NCEH1: variants seen among roughly 807,000 people sequenced by gnomAD.
The protein encoded by NCEH1 is 2-acetyl MAGE hydrolase.
Under a neutral mutation model 25.4 loss-of-function variants are expected in NCEH1, and 9 were observed. That is an observed-to-expected ratio of 0.35 (90% CI 0.21 to 0.62). The LOEUF (loss-of-function observed/expected upper bound fraction) is 0.62, where lower values mean the gene tolerates loss of function less well. NCEH1 is among the 20% of genes least tolerant of loss of function. The pLI is 0.72. For missense variants in NCEH1, 412 were observed against 501.1 expected, an observed-to-expected ratio of 0.82 and a Z score of 1.70; for synonymous variants, 200 against 199.8, an observed-to-expected ratio of 1.00 and a Z score of -0.01.
At chr3:172,653,744 G>GTTTTTTTTTTTTTTTT (rs796835886) in intron 1 of NCEH1, among the ~76,000 whole-genome samples, 8 of 95,652 alleles carry the variant, frequency 8.4e-5, no homozygotes, top group African/African-American at 2.5e-4. Flanking sequence ...TGTTTTTTTT[G>GTTTTTTTTTTTTTTTT]TTTTTTTGTT....
chr3:172,698,752 G>A (rs372645199), intron 1 of NCEH1, among the ~76,000 whole-genome samples: 1 of 152,184 alleles, frequency 6.6e-6, no homozygotes, highest in African/African-American at 2.4e-5. Flanking sequence ...ACATGAGGAA[G>A]TTAGAAACCC....
At chr3:172,646,396 A>G (rs1351532804) in intron 2 of NCEH1, among the ~76,000 whole-genome samples, 1 of 152,136 alleles carries the variant, frequency 6.6e-6, no homozygotes, top group Non-Finnish European at 1.5e-5. Flanking sequence ...TTAACACTTC[A>G]TTTGCTGCAG....
At chr3:172,666,815 G>A (rs139673577) in intron 1 of NCEH1, among the ~76,000 whole-genome samples, 1 of 152,266 alleles carries the variant, frequency 6.6e-6, no homozygotes, top group Admixed American at 6.5e-5. Flanking sequence ...TGTGTTGAAT[G>A]TGTGGGAATT....
chr3:172,697,654 G>T (rs1713445737), intron 1 of NCEH1, among the ~76,000 whole-genome samples: 1 of 151,990 alleles, frequency 6.6e-6, no homozygotes, highest in African/African-American at 2.4e-5. Context: ...AGCCACAAAA[G>T]AGCTGAGCGT....
intron 1 of NCEH1, among the ~76,000 whole-genome samples, chr3:172,683,231 G>A (rs1315856131): frequency 1.0e-5 from 1 of 96,780 alleles, no homozygotes; most frequent in East Asian, 2.5e-4. Flanking sequence ...GTGAAACCCC[G>A]TCTCTACTAA....
At chr3:172,704,447 AC>A (rs1479338322) in intron 1 of NCEH1, among the ~76,000 whole-genome samples, 1 of 152,198 alleles carries the variant, frequency 6.6e-6, no homozygotes, top group Admixed American at 6.5e-5. Flanking sequence ...ACCTTTAGCC[AC>A]ATTTTCCTTC....
intron 4 of NCEH1, among the ~76,000 whole-genome samples, chr3:172,635,413 G>C (rs756725470): frequency 2.0e-5 from 3 of 152,094 alleles, no homozygotes; most frequent in Non-Finnish European, 4.4e-5. Context: ...AGTTTTCAAA[G>C]AATTAAACCA....
intron 3 of NCEH1, among the ~76,000 whole-genome samples, chr3:172,641,013 G>A (rs1716823352): frequency 2.0e-5 from 3 of 152,012 alleles, no homozygotes; most frequent in South Asian, 2.1e-4. Context: ...AACTGTGCTC[G>A]AGGGGAAGGA....
chr3:172,692,348 TTTTC>T (rs1373527345), intron 1 of NCEH1, among the ~76,000 whole-genome samples: 2 of 152,058 alleles, frequency 1.3e-5, no homozygotes, highest in African/African-American at 2.4e-5. Context: ...ATATTTTTAT[TTTTC>T]TTTCTCTCTT....
chr3:172,696,374 A>AC (rs1219808198), intron 1 of NCEH1, among the ~76,000 whole-genome samples: 1 of 152,236 alleles, frequency 6.6e-6, no homozygotes, highest in Non-Finnish European at 1.5e-5. Flanking sequence ...TAAAAGAAAA[A>AC]AAAAATTACC....
chr3:172,657,569 T>C (rs983394994), intron 1 of NCEH1, among the ~76,000 whole-genome samples: 4 of 152,222 alleles, frequency 2.6e-5, no homozygotes, highest in African/African-American at 9.6e-5. Context: ...CATTATTTTC[T>C]GCACTTGCCT....
intron 1 of NCEH1, among the ~76,000 whole-genome samples, chr3:172,685,447 C>T (rs1291440253): frequency 1.3e-5 from 2 of 152,144 alleles, no homozygotes; most frequent in Admixed American, 6.5e-5. Context: ...CAAATGAAGT[C>T]GTATAATTTT....
intron 1 of NCEH1, among the ~76,000 whole-genome samples, chr3:172,650,064 G>A (rs963431792): frequency 2.0e-5 from 3 of 152,212 alleles, no homozygotes; most frequent in Non-Finnish European, 4.4e-5. Flanking sequence ...GTACATGCGG[G>A]TTTGACTCAA....
intron 3 of NCEH1, among the ~76,000 whole-genome samples, chr3:172,637,872 G>A (rs1469279654): frequency 6.6e-6 from 1 of 151,412 alleles, no homozygotes. Context: ...CTGGGTGACA[G>A]AGCAAGACTC....
At chr3:172,673,463 AG>A (rs1211632760) in intron 1 of NCEH1, among the ~76,000 whole-genome samples, 21 of 152,268 alleles carry the variant, frequency 1.4e-4, no homozygotes, top group Non-Finnish European at 2.8e-4. Context: ...ACCTAAATTA[AG>A]CAAGGGAAAG....
chr3:172,635,502 G>T (rs1267068566), intron 4 of NCEH1, among the ~76,000 whole-genome samples: 1 of 152,108 alleles, frequency 6.6e-6, no homozygotes, highest in African/African-American at 2.4e-5. Context: ...TTAAAAAAAA[G>T]TTGGGGAAAC....
chr3:172,670,898 T>C (rs1266880505), intron 1 of NCEH1, among the ~76,000 whole-genome samples: 2 of 152,230 alleles, frequency 1.3e-5, no homozygotes, highest in African/African-American at 4.8e-5. Flanking sequence ...TTTCCCATTA[T>C]CTTTGCTCTC....
intron 1 of NCEH1, among the ~76,000 whole-genome samples, chr3:172,702,092 A>C (rs1423597450): frequency 2.6e-5 from 4 of 152,184 alleles, no homozygotes; most frequent in Non-Finnish European, 5.9e-5. Flanking sequence ...GCACAAATCT[A>C]AACTCTTGAG....
At chr3:172,640,814 C>A (rs908581056) in intron 3 of NCEH1, among the ~76,000 whole-genome samples, 4 of 151,588 alleles carry the variant, frequency 2.6e-5, no homozygotes, top group African/African-American at 9.7e-5. Flanking sequence ...GCCCCCTGTC[C>A]CCTTTAAGAG....
Sources: allele counts gnomAD v4.1 joint callset (sites outside exome capture counted in the v4.1 genomes callset), GRCh38; gene constraint gnomAD v4.1.1; transcripts MANE v1.5; gene names NCBI Gene and HGNC (gene_info 2026-07-23, HGNC 2026-07-21).